The following AGBL4 variants were observed in gnomAD, a reference collection of about 807,000 sequenced individuals.
AGBL4 encodes cytosolic carboxypeptidase 6.
In AGBL4, 58 loss-of-function variants were observed where a neutral mutation model predicts 66.4. The ratio of observed to expected loss-of-function variants is 0.87; its 90% confidence interval spans 0.71 to 1.09. The LOEUF is 1.09. AGBL4 is among the 50% of genes least tolerant of loss of function. The pLI, the probability that AGBL4 is intolerant of heterozygous loss-of-function variation, is 0.00. For missense variants in AGBL4, 579 were observed against 631.0 expected, an observed-to-expected ratio of 0.92 and a Z score of 0.88; for synonymous variants, 234 against 222.9, an observed-to-expected ratio of 1.05 and a Z score of -0.44.
rs573195991 is a variant in AGBL4 at position 49,285,284 on chromosome 1, G to A, written c.283-39420C>T. On this transcript the variant is annotated intron_variant, in intron 3 of 13. Transcript: ENST00000371839. ...CCTGAATGACTACTGGATACATAAC[G>A]AAATGAAGGCAGAAATAAAGATGTT... Among the ~76,000 whole-genome samples, 9 of 152,168 alleles carry A rather than the reference G, an allele frequency of 5.9e-5. No individual in the cohort carries two copies. The South Asian group carries it at 6.2e-4, about 11-fold the overall frequency.
chr1:48,648,880 T>A (rs577010586), intron 8 of AGBL4, among the ~76,000 whole-genome samples: 1 of 152,304 alleles, frequency 6.6e-6, no homozygotes, highest in East Asian at 1.9e-4. Flanking sequence ...CTAAAACAAC[T>A]GGGCCAGGAG....
At chr1:49,436,634 A>G (rs183123312) in intron 3 of AGBL4, among the ~76,000 whole-genome samples, 3 of 152,324 alleles carry the variant, frequency 2.0e-5, no homozygotes, top group African/African-American at 7.2e-5. Flanking sequence ...AGAGAAAAAA[A>G]GTGTAACATA....
intron 6 of AGBL4, among the ~76,000 whole-genome samples, chr1:48,823,970 G>GGTGT (rs3043321): frequency 1.1e-4 from 16 of 150,818 alleles, no homozygotes; most frequent in Admixed American, 4.6e-4. Flanking sequence ...TGGGACAAAA[G>GGTGT]GTGTGTGTGT....
chr1:49,550,622 A>T (rs1571007715), intron 3 of AGBL4, among the ~76,000 whole-genome samples: 1 of 152,178 alleles, frequency 6.6e-6, no homozygotes, highest in East Asian at 1.9e-4. Flanking sequence ...GAGGCTGAAG[A>T]TAGGGCCCCA....
chr1:48,610,454 G>C (rs320019), intron 9 of AGBL4, among the ~76,000 whole-genome samples: 13 of 151,964 alleles, frequency 8.6e-5, no homozygotes, highest in African/African-American at 3.1e-4. Context: ...TAGGGCAGTG[G>C]GTGCATCCCT....
chr1:48,771,315 A>C (rs1316071422), intron 6 of AGBL4, among the ~76,000 whole-genome samples: 2 of 152,206 alleles, frequency 1.3e-5, no homozygotes, highest in Non-Finnish European at 2.9e-5. Flanking sequence ...CAAAGACCCC[A>C]ATCTGAATTC....
At chr1:48,616,584 A>C (rs1220692567) in intron 9 of AGBL4, among the ~76,000 whole-genome samples, 1 of 152,220 alleles carries the variant, frequency 6.6e-6, no homozygotes, top group Admixed American at 6.5e-5. Context: ...CCCGAGCTTC[A>C]TATTCCTCTT....
intron 3 of AGBL4, among the ~76,000 whole-genome samples, chr1:49,294,541 G>A (rs903888572): frequency 6.6e-6 from 1 of 152,182 alleles, no homozygotes; most frequent in Non-Finnish European, 1.5e-5. Flanking sequence ...ACTGTGGCAT[G>A]CCTATGAGAC....
chr1:49,749,056 G>C (rs1369479184), intron 2 of AGBL4, among the ~76,000 whole-genome samples: 1 of 152,164 alleles, frequency 6.6e-6, no homozygotes, highest in South Asian at 2.1e-4. Flanking sequence ...AATTGTTTTT[G>C]ATGTTTTAGT....
chr1:48,569,000 G>A (rs556976338), intron 11 of AGBL4, among the ~76,000 whole-genome samples: 2 of 152,300 alleles, frequency 1.3e-5, no homozygotes, highest in East Asian at 1.9e-4. Flanking sequence ...AAACAAATGA[G>A]TGAATAATTG....
chr1:48,662,719 T>TTGAA (rs1646127840), intron 7 of AGBL4, among the ~76,000 whole-genome samples: 1 of 152,234 alleles, frequency 6.6e-6, no homozygotes. Context: ...AAGTGAATGA[T>TTGAA]TGAATGAATG....
intron 3 of AGBL4, among the ~76,000 whole-genome samples, chr1:49,432,473 G>C (rs1459897836): frequency 6.6e-6 from 1 of 151,998 alleles, no homozygotes; most frequent in Non-Finnish European, 1.5e-5. Context: ...GTTTGGTCCA[G>C]GGACAATACT....
intron 1 of AGBL4, among the ~76,000 whole-genome samples, chr1:49,962,439 C>G (rs1191580197): frequency 6.6e-6 from 1 of 152,044 alleles, no homozygotes; most frequent in Non-Finnish European, 1.5e-5. Context: ...AAAATTGATT[C>G]TAATGGCATC....
intron 4 of AGBL4, among the ~76,000 whole-genome samples, chr1:49,134,611 T>C (rs965747838): frequency 2.6e-5 from 4 of 151,862 alleles, no homozygotes; most frequent in Non-Finnish European, 2.9e-5. Flanking sequence ...CTGTCCTGCC[T>C]GGCTCCCAGG....
At chr1:49,663,110 G>A (rs941314532) in intron 3 of AGBL4, among the ~76,000 whole-genome samples, 1 of 152,104 alleles carries the variant, frequency 6.6e-6, no homozygotes, top group Non-Finnish European at 1.5e-5. Flanking sequence ...AAAACACACT[G>A]GAGGAGTTTA....
chr1:48,689,203 C>CAAAAAAAAA (rs939955179), intron 6 of AGBL4, among the ~76,000 whole-genome samples: 9 of 53,310 alleles, frequency 1.7e-4, no homozygotes, highest in African/African-American at 4.7e-4. Context: ...GACCCGGTCT[C>CAAAAAAAAA]AAAAAAAAAA....
intron 5 of AGBL4, among the ~76,000 whole-genome samples, chr1:48,929,813 C>A (rs1442617684): frequency 6.6e-6 from 1 of 152,132 alleles, no homozygotes; most frequent in African/African-American, 2.4e-5. Flanking sequence ...GGACTCATTT[C>A]TTTCTTTCTT....
At chr1:48,695,888 A>C (rs1646706507) in intron 6 of AGBL4, among the ~76,000 whole-genome samples, 1 of 150,036 alleles carries the variant, frequency 6.7e-6, no homozygotes, top group African/African-American at 2.5e-5. Flanking sequence ...AACCTCCTAC[A>C]CCCCCATCCC....
At chr1:48,742,863 C>T in intron 6 of AGBL4, 1 of 1,306,152 alleles carries the variant, frequency 7.7e-7, no homozygotes, top group South Asian at 1.9e-5. Flanking sequence ...CACCATGGCA[C>T]AAAAAATTTG....
Sources: gnomAD v4.1 joint callset for allele counts (sites outside exome capture counted in the v4.1 genomes callset) on GRCh38, gnomAD v4.1.1 for gene constraint, MANE v1.5 for transcripts, NCBI Gene and HGNC (gene_info 2026-07-23, HGNC 2026-07-21) for gene names.